SMAP1: variants seen among roughly 807,000 people sequenced by gnomAD.
The protein encoded by SMAP1 is stromal membrane-associated protein 1.
A neutral mutation model predicts 58.5 loss-of-function variants in SMAP1; 24 were observed. The observed-to-expected ratio is 0.41, with a 90% CI of 0.30 to 0.58. The LOEUF (loss-of-function observed/expected upper bound fraction) is 0.58. SMAP1 is among the 20% of genes least tolerant of loss of function. The probability of loss-of-function intolerance (pLI) is 0.29; values close to 1 mark genes in which losing one functional copy is unlikely to be tolerated. For synonymous variants in SMAP1, 216 were observed against 196.6 expected (o/e 1.10, Z -0.82); for missense variants, 563 against 566.3 (o/e 0.99, Z 0.06).
At chr6:70,759,879 G>T (rs996058207) in intron 3 of SMAP1, 2 of 449,818 alleles carry the variant, frequency 4.4e-6, no homozygotes, top group South Asian at 3.2e-5. Flanking sequence ...TGCTTAATAA[G>T]TGTTTGCCCT....
In SMAP1 at chr6:70,860,420, A is replaced by AT. The variant is rs111506165; in HGVS notation, c.*94dup. ...AGTTCCCCTGTTTATTCATATGCAT[A>AT]TTTTTTTTCTTTTTACCCATTTGTT... On this transcript the variant is annotated 3_prime_UTR_variant, in exon 11 of 11. Transcript: ENST00000370455. 5.9e-3 allele frequency: 8,748 copies of AT among 1,478,012 alleles called. 464 individuals carry two copies. In the African/African-American group the frequency reaches 0.11, roughly 18 times the overall value. 91.6% of individuals were successfully genotyped at this position (1,478,012 alleles called of 1,614,324 possible). A position where few individuals can be genotyped will look rare whatever the true frequency, so the allele number is the denominator to read the frequency against.
intron 1 of SMAP1, among the ~76,000 whole-genome samples, chr6:70,726,351 A>G (rs1300569914): frequency 3.3e-5 from 5 of 152,186 alleles, no homozygotes; most frequent in Non-Finnish European, 4.4e-5. Context: ...TGGGTACAGA[A>G]CATACAGAGA....
chr6:70,856,655 G>C (rs1173403564), intron 8 of SMAP1: 1 of 433,212 alleles, frequency 2.3e-6, no homozygotes, highest in African/African-American at 2.0e-5. Flanking sequence ...TACATTAACA[G>C]ATTCAAATTA....
intron 3 of SMAP1, among the ~76,000 whole-genome samples, chr6:70,763,902 A>G (rs1052198373): frequency 1.3e-5 from 2 of 152,060 alleles, no homozygotes; most frequent in African/African-American, 4.8e-5. Flanking sequence ...AGGTTGAGTC[A>G]TGAGTTTGTG....
Position 70,668,575 on chromosome 6 carries a change from C to T in SMAP1, c.118+434C>T, listed in dbSNP as rs1297604058. The T allele has an allele frequency of 4.6e-6, 7 of 1,535,292 alleles. No individual in the cohort carries two copies. The East Asian group carries it at 1.2e-4, about 27-fold the overall frequency. ...GCTTAGGTCTGGATCCCCTCCTCTA[C>T]CCTCCGGTGTGACCACGTCCTCCCA... On this transcript the variant is annotated intron_variant, in intron 1 of 10. Coordinates refer to ENST00000370455, the MANE Select transcript of SMAP1 (RefSeq NM_001044305.3).
chr6:70,856,743 C>T, intron 8 of SMAP1, 116 bp from the exon 9 acceptor site: 3 of 1,064,060 alleles, frequency 2.8e-6, no homozygotes, highest in Non-Finnish European at 1.3e-6. Flanking sequence ...CACCATTTTA[C>T]CTTCTACAAT....
At chr6:70,850,041 A>G (rs1477769228) in intron 7 of SMAP1, among the ~76,000 whole-genome samples, 1 of 152,212 alleles carries the variant, frequency 6.6e-6, no homozygotes, top group Non-Finnish European at 1.5e-5. Flanking sequence ...TGTTTTACGG[A>G]TTAGAAAATG....
intron 6 of SMAP1, among the ~76,000 whole-genome samples, chr6:70,810,611 A>G (rs115487301): frequency 0.013 from 1,989 of 152,036 alleles, 53 homozygotes; most frequent in African/African-American, 0.046. Flanking sequence ...GGGTCTCACT[A>G]TTTCATTCAG....
chr6:70,761,187 C>T lies in SMAP1; in HGVS notation c.338+6122C>T, dbSNP rs530057066. The stretch of plus-strand genomic sequence containing the variant: ...TATAGATACATGTTAAAAGATAAAG[C>T]GTATAATAATGTTGAAATTTTTGTA... On this transcript the variant is annotated intron_variant, in intron 3 of 10. Transcript: ENST00000370455. Among the ~76,000 whole-genome samples the T allele has an allele frequency of 1.5e-3, 221 of 151,816 alleles. 3 individuals carry two copies. In the South Asian group the frequency reaches 0.02, roughly 14 times the overall value.
At chr6:70,836,826 T>TATC in intron 6 of SMAP1, 115 bp from the exon 7 acceptor site, 1 of 792,636 alleles carries the variant, frequency 1.3e-6, no homozygotes, top group Non-Finnish European at 1.9e-6. Flanking sequence ...TTTATTATAC[T>TATC]ATGTTTCATA....
At position 70,860,200 on chromosome 6, in the gene SMAP1, A is replaced by G. The variant is rs778607875; in HGVS notation, c.1270A>G (p.Met424Val). 3.1e-5 allele frequency: 50 copies of G among 1,605,532 alleles called. No homozygotes were observed. Among genetic ancestry groups the G allele is most frequent in the Non-Finnish European group, 4.0e-5 (47 of 1,177,066 alleles). The change falls in exon 11 of 11, where the codon ATG becomes GTG. Residue 424 changes from methionine to valine, a missense_variant and splice_region_variant. This residue lies in a region of SMAP1 where 494 missense variants were observed against 473.8 expected (regional missense o/e 1.04). Transcript: ENST00000370455. ...AQQPQWSLSQ[M>V]NQQMAGMSIS... Reference sequence around the variant, plus strand: ...ACTAAGCCTTTTATATGTTTCACAGATGAATCAGCAGATGGCTGGCATGAG... The same window carrying G: ...ACTAAGCCTTTTATATGTTTCACAGGTGAATCAGCAGATGGCTGGCATGAG...
chr6:70,720,521 TGG>T (rs1209182184), intron 1 of SMAP1, among the ~76,000 whole-genome samples: 2 of 152,152 alleles, frequency 1.3e-5, no homozygotes, highest in Admixed American at 1.3e-4. Flanking sequence ...GGACTCTGTG[TGG>T]GGGCTCTGAC....
chr6:70,745,971 G>A (rs1413519176), intron 2 of SMAP1, among the ~76,000 whole-genome samples: 2 of 152,110 alleles, frequency 1.3e-5, no homozygotes, highest in East Asian at 3.9e-4. Flanking sequence ...TTGGCTCTCT[G>A]TTTGTCTATT....
At chr6:70,798,166 G>C (rs1228958571) in intron 5 of SMAP1, among the ~76,000 whole-genome samples, 1 of 151,684 alleles carries the variant, frequency 6.6e-6, no homozygotes. Flanking sequence ...ATAATGGACT[G>C]AAGATATTTT....
At chr6:70,753,357 C>T in intron 2 of SMAP1, among the ~76,000 whole-genome samples, 1 of 152,224 alleles carries the variant, frequency 6.6e-6, no homozygotes, top group Middle Eastern at 3.4e-3. Flanking sequence ...TACTTTTGCA[C>T]TTTCAGTGAA....
chr6:70,769,860 C>T (rs1297498134), intron 3 of SMAP1, among the ~76,000 whole-genome samples: 1 of 152,078 alleles, frequency 6.6e-6, no homozygotes, highest in Non-Finnish European at 1.5e-5. Flanking sequence ...AAGGTCTTTA[C>T]AATTTGGCAT....
intron 1 of SMAP1, among the ~76,000 whole-genome samples, chr6:70,715,206 C>A (rs1459628112): frequency 6.6e-6 from 1 of 151,254 alleles, no homozygotes; most frequent in Admixed American, 6.6e-5. Flanking sequence ...CTCAGGACCT[C>A]CTGCCTCAGT....
chr6:70,715,439 C>G (rs1238261009), intron 1 of SMAP1, among the ~76,000 whole-genome samples: 2 of 152,150 alleles, frequency 1.3e-5, no homozygotes, highest in Non-Finnish European at 2.9e-5. Flanking sequence ...TTTGGGCTAC[C>G]TGAATCTGGA....
intron 3 of SMAP1, among the ~76,000 whole-genome samples, chr6:70,768,759 G>A (rs1767125378): frequency 6.6e-6 from 1 of 152,030 alleles, no homozygotes; most frequent in African/African-American, 2.4e-5. Flanking sequence ...CTTCAGTTCT[G>A]CTCTGATTTT....
Sources: gnomAD v4.1 joint callset for allele counts (sites outside exome capture counted in the v4.1 genomes callset) on GRCh38, gnomAD v4.1.1 for gene constraint, gnomAD v4.1.1 regional missense constraint, MANE v1.5 for transcripts, NCBI Gene and HGNC (gene_info 2026-07-23, HGNC 2026-07-21) for gene names.